SCAPER: variants seen among roughly 807,000 people sequenced by gnomAD.
The protein encoded by SCAPER is S-phase cyclin A associated protein in the ER, also known as S phase cyclin A-associated protein in the endoplasmic reticulum.
A neutral mutation model predicts 182.2 loss-of-function variants in SCAPER; 98 were observed. That is an observed-to-expected ratio of 0.54 (90% CI 0.46 to 0.64). The LOEUF (loss-of-function observed/expected upper bound fraction) is 0.64, where lower values mean the gene tolerates loss of function less well. Among genes scored for constraint, SCAPER ranks in the 30% least tolerant of loss-of-function variants. SCAPER has a pLI of 0.00. For synonymous variants in SCAPER, 605 were observed against 564.6 expected, an observed-to-expected ratio of 1.07 and a Z score of -1.01; for missense variants, 1,432 against 1,690.0, an observed-to-expected ratio of 0.85 and a Z score of 2.68.
intron 29 of SCAPER, among the ~76,000 whole-genome samples, chr15:76,365,084 G>A (rs936500354): frequency 6.6e-6 from 1 of 152,132 alleles, no homozygotes; most frequent in African/African-American, 2.4e-5. Flanking sequence ...TATCCTGGAT[G>A]TCTGGAACAG....
intron 27 of SCAPER, among the ~76,000 whole-genome samples, chr15:76,390,610 T>C (rs2043623767): frequency 6.6e-6 from 1 of 152,176 alleles, no homozygotes; most frequent in African/African-American, 2.4e-5. Flanking sequence ...TCCTAGATCT[T>C]GGAACTGCAG....
At position 76,701,260 on chromosome 15, in the gene SCAPER, C is replaced by A. The variant is rs111856780; in HGVS notation, c.2508+498G>T. Among the ~76,000 whole-genome samples the A allele has an allele frequency of 7.9e-3, 1,203 of 152,122 alleles. 11 individuals are homozygous for A. The highest frequency in any genetic ancestry group is 0.028 in the African/African-American group (1,142 of 41,504). On this transcript the variant is annotated intron_variant, in intron 20 of 31. Transcript: ENST00000563290. The stretch of plus-strand genomic sequence containing the variant: ...ACTATAATAAATAGGACAATAAATT[C>A]ATAGATTAGCTATATCATCCAAGTT...
At chr15:76,752,571 C>T (rs1436494623) in intron 15 of SCAPER, among the ~76,000 whole-genome samples, 2 of 151,714 alleles carry the variant, frequency 1.3e-5, no homozygotes, top group African/African-American at 4.8e-5. Context: ...GAAATTCTAA[C>T]ATATGCTATA....
At chr15:76,700,534 C>T (rs1294051044) in intron 20 of SCAPER, among the ~76,000 whole-genome samples, 1 of 152,112 alleles carries the variant, frequency 6.6e-6, no homozygotes. Flanking sequence ...CAGCTTCAGC[C>T]CAGGGTGTGC....
chr15:76,479,439 T>C (rs2050922429), intron 24 of SCAPER, among the ~76,000 whole-genome samples: 2 of 152,188 alleles, frequency 1.3e-5, no homozygotes, highest in Admixed American at 6.5e-5. Flanking sequence ...CTGTCAAAAG[T>C]ACCCTGTGGT....
At chr15:76,847,280 C>T (rs1056640206) in intron 4 of SCAPER, among the ~76,000 whole-genome samples, 10 of 152,008 alleles carry the variant, frequency 6.6e-5, no homozygotes, top group African/African-American at 9.7e-5. Flanking sequence ...CACCATGGCA[C>T]ATGTATACCT....
At position 76,821,406 on chromosome 15, in the gene SCAPER, C is replaced by T. The variant is rs923312840; in HGVS notation, c.394-16773G>A. ...GGCCAGGGCCGAGAAATCACTTGAG[C>T]GCAGGAGTTGGAGACAAGCCTGAGG... is the stretch of plus-strand genomic sequence containing the variant. On this transcript the variant is annotated intron_variant, in intron 5 of 31. Coordinates refer to ENST00000563290, the MANE Select transcript of SCAPER (RefSeq NM_020843.4). Among the ~76,000 whole-genome samples, 22 of 152,218 alleles carry T rather than the reference C, an allele frequency of 1.4e-4. 1 individual carries two copies. The highest frequency in any genetic ancestry group is 5.8e-4 in the East Asian group (3 of 5,184).
intron 1 of SCAPER, among the ~76,000 whole-genome samples, chr15:76,890,958 A>G (rs2074130215): frequency 6.6e-6 from 1 of 152,214 alleles, no homozygotes; most frequent in Non-Finnish European, 1.5e-5. Context: ...CACATCAAAA[A>G]GCTTATCTAC....
intron 17 of SCAPER, 114 bp downstream of exon 17, chr15:76,728,481 G>T: frequency 7.3e-7 from 1 of 1,369,258 alleles, no homozygotes. Flanking sequence ...TCAACCTGGG[G>T]AACATCGCAA....
At chr15:76,495,340 G>A (rs917963198) in intron 24 of SCAPER, among the ~76,000 whole-genome samples, 11 of 152,238 alleles carry the variant, frequency 7.2e-5, no homozygotes, top group African/African-American at 2.6e-4. Flanking sequence ...CACTTTGGGA[G>A]GACGAGGCAG....
At chr15:76,822,207 A>G (rs1443821653) in intron 5 of SCAPER, among the ~76,000 whole-genome samples, 2 of 152,216 alleles carry the variant, frequency 1.3e-5, no homozygotes, top group Non-Finnish European at 2.9e-5. Context: ...TGTAACAAAT[A>G]TACCACTCAG....
chr15:76,431,164 G>GACTAATTAAAAAT (rs1567125321), intron 26 of SCAPER, among the ~76,000 whole-genome samples: 1 of 151,820 alleles, frequency 6.6e-6, no homozygotes, highest in Non-Finnish European at 1.5e-5. Flanking sequence ...GTCTTTAACA[G>GACTAATTAAAAAT]TAGTGTAAAA....
In SCAPER at chr15:76,354,025, G is replaced by A. The variant is rs1315746700; in HGVS notation, c.3971C>T (p.Ala1324Val). The A allele has an allele frequency of 1.4e-5, 22 of 1,607,480 alleles. No homozygotes were observed. The highest frequency in any genetic ancestry group is 1.9e-5 in the Non-Finnish European group (22 of 1,178,148). The change falls in exon 30 of 32, where the codon GCT (alanine) becomes GTT (valine). Residue 1324 changes from alanine (A) to valine (V), a missense_variant. Coordinates refer to ENST00000563290, the MANE Select transcript of SCAPER (RefSeq NM_020843.4). This position sits in a 1 kb window ranked among gnomAD's most constrained non-coding sequence, Gnocchi z 4.4. ...CTTGTTCTGATGGTTGTTGTAACAA[G>A]CAGCGATAAGTGAAGGGAACAGTAC... ...IKVLFPSLIA[A>V]CYNNHQNKII...
chr15:76,488,143 T>C (rs955523558), intron 24 of SCAPER, among the ~76,000 whole-genome samples: 12 of 152,136 alleles, frequency 7.9e-5, no homozygotes, highest in African/African-American at 2.4e-4. Context: ...CAGCTCAAGA[T>C]AAAATACAGC....
chr15:76,720,658 T>C (rs1267628112), intron 17 of SCAPER, among the ~76,000 whole-genome samples: 1 of 152,234 alleles, frequency 6.6e-6, no homozygotes, highest in Non-Finnish European at 1.5e-5. Flanking sequence ...GTGGTTTTGA[T>C]TTGCATTTCT....
intron 23 of SCAPER, among the ~76,000 whole-genome samples, chr15:76,533,318 C>A (rs907514182): frequency 3.9e-5 from 6 of 152,190 alleles, no homozygotes; most frequent in African/African-American, 1.4e-4. Flanking sequence ...GCATATACAA[C>A]TGTGGTCCCA....
At chr15:76,518,140 T>C (rs2042577280) in intron 23 of SCAPER, among the ~76,000 whole-genome samples, 1 of 151,830 alleles carries the variant, frequency 6.6e-6, no homozygotes, top group Admixed American at 6.6e-5. Context: ...TGTGGGAAAA[T>C]GTGGGACCAG....
chr15:76,729,383 C>T (rs2060787197), intron 16 of SCAPER, among the ~76,000 whole-genome samples: 1 of 150,948 alleles, frequency 6.6e-6, no homozygotes, highest in African/African-American at 2.4e-5. Context: ...TAATACAGAA[C>T]TTAATATATG....
intron 17 of SCAPER, among the ~76,000 whole-genome samples, chr15:76,728,108 T>C (rs1395342940): frequency 6.6e-6 from 1 of 152,058 alleles, no homozygotes; most frequent in Non-Finnish European, 1.5e-5. Context: ...GCCAATTATA[T>C]GTTTTTTCCT....
Sources: allele counts gnomAD v4.1 joint callset (sites outside exome capture counted in the v4.1 genomes callset), GRCh38; gene constraint gnomAD v4.1.1; non-coding constraint Gnocchi (gnomAD v3.1); transcripts MANE v1.5; gene names NCBI Gene and HGNC (gene_info 2026-07-23, HGNC 2026-07-21).